MARK3: variants seen among roughly 807,000 people sequenced by gnomAD.
The protein encoded by MARK3 is microtubule affinity regulating kinase 3, also known as MAP/microtubule affinity-regulating kinase 3.
A neutral mutation model predicts 90.1 loss-of-function variants in MARK3; 46 were observed. The ratio of observed to expected loss-of-function variants is 0.51; its 90% CI spans 0.40 to 0.65. MARK3 has a LOEUF of 0.65. Ranked by LOEUF, MARK3 falls within the 30% of genes least tolerant of loss-of-function variation. MARK3 has a pLI of 0.00. For missense variants in MARK3, 818 were observed against 947.2 expected (o/e 0.86, Z 1.79); for synonymous variants, 321 against 332.6 (o/e 0.97, Z 0.38).
At chr14:103,416,507 A>G (rs2140906556) in intron 2 of MARK3, among the ~76,000 whole-genome samples, 1 of 152,330 alleles carries the variant, frequency 6.6e-6, no homozygotes, top group African/African-American at 2.4e-5. Context: ...GTGGTGGATC[A>G]CGCCTGTAAT....
chr14:103,458,388 G>C (rs969678286), intron 6 of MARK3, among the ~76,000 whole-genome samples: 1 of 149,942 alleles, frequency 6.7e-6, no homozygotes, highest in African/African-American at 2.5e-5. Context: ...GAACCTGGGA[G>C]GCGGAAATTG....
At chr14:103,486,890 T>C (rs2093938994) in intron 14 of MARK3, among the ~76,000 whole-genome samples, 1 of 142,790 alleles carries the variant, frequency 7.0e-6, no homozygotes, top group East Asian at 2.0e-4. Flanking sequence ...CCTTTAAAAT[T>C]AGTATGTCAA....
intron 7 of MARK3, among the ~76,000 whole-genome samples, chr14:103,464,349 A>G (rs1031161178): frequency 1.7e-5 from 2 of 119,312 alleles, no homozygotes; most frequent in African/African-American, 6.6e-5. Flanking sequence ...CCCTGGCTAG[A>G]GTGCAGTGGT....
chr14:103,455,433 GATC>G (rs2093253090), intron 5 of MARK3, among the ~76,000 whole-genome samples: 1 of 152,062 alleles, frequency 6.6e-6, no homozygotes, highest in African/African-American at 2.4e-5. Flanking sequence ...CCTTTTAAAA[GATC>G]ATTATGCAGG....
chr14:103,407,813 C>A (rs924670699), intron 2 of MARK3, among the ~76,000 whole-genome samples: 1 of 152,098 alleles, frequency 6.6e-6, no homozygotes, highest in South Asian at 2.1e-4. Context: ...CCCGCCTCAA[C>A]CTCCCAAAAT....
At chr14:103,502,712 G>T (rs1233477250) in intron 17 of MARK3, among the ~76,000 whole-genome samples, 170 bp from the exon 18 acceptor site, 1 of 152,202 alleles carries the variant, frequency 6.6e-6, no homozygotes, top group Non-Finnish European at 1.5e-5. Context: ...GGGGGTGAGG[G>T]AAGAAAATAG....
chr14:103,458,996 A>G (rs2093340060), intron 6 of MARK3, among the ~76,000 whole-genome samples: 1 of 152,168 alleles, frequency 6.6e-6, no homozygotes, highest in Non-Finnish European at 1.5e-5. Context: ...GTTCTTTGCA[A>G]TTCTAATATA....
intron 7 of MARK3, among the ~76,000 whole-genome samples, chr14:103,464,030 T>G (rs2093453235): frequency 6.6e-6 from 1 of 152,206 alleles, no homozygotes; most frequent in Non-Finnish European, 1.5e-5. Context: ...AGATGCACCT[T>G]CTGGTGCTTT....
intron 15 of MARK3, among the ~76,000 whole-genome samples, chr14:103,495,538 G>T (rs1004838058): frequency 1.3e-5 from 2 of 151,548 alleles, no homozygotes; most frequent in Admixed American, 1.3e-4. Context: ...TGCCCTTTTA[G>T]CCACTACACT....
At chr14:103,444,105 T>TTTTTTC (rs58131166) in intron 3 of MARK3, among the ~76,000 whole-genome samples, 2 of 139,232 alleles carry the variant, frequency 1.4e-5, no homozygotes, top group Non-Finnish European at 3.2e-5. Flanking sequence ...TTTTTTTTTT[T>TTTTTTC]ACTAGAGACT....
chr14:103,462,090 G>A (rs571088131), intron 6 of MARK3, among the ~76,000 whole-genome samples: 3 of 151,452 alleles, frequency 2.0e-5, no homozygotes, highest in East Asian at 3.9e-4. Context: ...GGGCAGCCAG[G>A]GTCCTCCAGA....
At chr14:103,424,881 G>GT (rs1041457085) in intron 2 of MARK3, among the ~76,000 whole-genome samples, 5 of 152,242 alleles carry the variant, frequency 3.3e-5, no homozygotes. Flanking sequence ...CAGAAGCCCT[G>GT]TTTTTTGGTT....
At chr14:103,391,608 A>G (rs1006050938) in intron 1 of MARK3, among the ~76,000 whole-genome samples, 3 of 150,414 alleles carry the variant, frequency 2.0e-5, no homozygotes, top group East Asian at 1.9e-4. Context: ...CAGTGGTGCA[A>G]TCTCGGCTCA....
chr14:103,385,783 C>G lies in MARK3; in HGVS notation c.-247C>G. The G allele has an allele frequency of 2.5e-6, 1 of 401,888 alleles. No homozygotes were observed. The highest frequency in any genetic ancestry group is 4.4e-6 in the Non-Finnish European group (1 of 227,978). The allele number at this position is 401,888 out of a possible 1,614,324, so 24.9% of individuals were successfully genotyped here. A position where few individuals can be genotyped will look rare whatever the true frequency, so the allele number is the denominator to read the frequency against. On this transcript the variant is annotated 5_prime_UTR_variant, in exon 1 of 18. Transcript: ENST00000429436. Reference sequence around the variant, plus strand: ...CAGCCCGCCGCCCGCAGGCTCGGCTCCGCCACTGCCGCCCTCCCGGTCTCC... The same window carrying G: ...CAGCCCGCCGCCCGCAGGCTCGGCTGCGCCACTGCCGCCCTCCCGGTCTCC...
intron 2 of MARK3, among the ~76,000 whole-genome samples, chr14:103,418,349 T>G (rs2092050225): frequency 6.6e-6 from 1 of 151,844 alleles, no homozygotes; most frequent in Admixed American, 6.6e-5. Context: ...GGATGTCTGG[T>G]AGCCTCTGGT....
At chr14:103,401,649 G>A (rs1306129296) in intron 1 of MARK3, among the ~76,000 whole-genome samples, 1 of 152,172 alleles carries the variant, frequency 6.6e-6, no homozygotes, top group Non-Finnish European at 1.5e-5. Flanking sequence ...TTCACTCACA[G>A]GATGTGTTCA....
At chr14:103,426,833 A>G (rs2092419547) in intron 2 of MARK3, among the ~76,000 whole-genome samples, 1 of 151,998 alleles carries the variant, frequency 6.6e-6, no homozygotes, top group African/African-American at 2.4e-5. Context: ...GTTAGCCCAC[A>G]GATTGGTTTG....
chr14:103,405,059 T>C lies in MARK3; in HGVS notation c.52-17T>C. 13 of 1,603,436 alleles carry C rather than the reference T, an allele frequency of 8.1e-6. No homozygotes were observed. Among genetic ancestry groups the C allele is most frequent in the Non-Finnish European group, 9.4e-6 (11 of 1,174,956 alleles). ...GTGTTCTCTCATTTCCTTATCTTTG[T>C]GTATGCTGTATTGCAGCACACGTCA... is the stretch of plus-strand genomic sequence containing the variant. On this transcript the variant is annotated splice_polypyrimidine_tract_variant and intron_variant, in intron 1 of 17. Transcript: ENST00000429436.
At chr14:103,462,260 G>A in intron 6 of MARK3, 145 bp from the exon 7 acceptor site, 1 of 538,508 alleles carries the variant, frequency 1.9e-6, no homozygotes, top group Non-Finnish European at 3.3e-6. Flanking sequence ...GAAAGTTCAA[G>A]GCATAGGAAA....
Sources: gnomAD v4.1 joint callset for allele counts (sites outside exome capture counted in the v4.1 genomes callset) on GRCh38, gnomAD v4.1.1 for gene constraint, MANE v1.5 for transcripts, NCBI Gene and HGNC (gene_info 2026-07-23, HGNC 2026-07-21) for gene names.